MGMT: variants seen among roughly 807,000 people sequenced by gnomAD.
MGMT encodes the protein methylated-DNA--protein-cysteine methyltransferase.
In MGMT, 14 loss-of-function variants were observed where a neutral mutation model predicts 15.9. The ratio of observed to expected loss-of-function variants is 0.88; its 90% CI spans 0.58 to 1.37. The LOEUF is 1.37. MGMT is among the 40% of genes most tolerant of loss of function. The pLI is 0.00. For missense variants in MGMT, 282 were observed against 268.1 expected (o/e 1.05, Z -0.36); for synonymous variants, 130 against 118.2 (o/e 1.10, Z -0.65).
intron 2 of MGMT, among the ~76,000 whole-genome samples, chr10:129,695,992 G>A (rs944498644): frequency 1.2e-4 from 19 of 152,062 alleles, no homozygotes; most frequent in Admixed American, 6.6e-4. Flanking sequence ...CTTTGTCCTC[G>A]CGGTCTTACG....
intron 2 of MGMT, among the ~76,000 whole-genome samples, chr10:129,558,040 G>A (rs1043647966): frequency 2.0e-5 from 3 of 152,154 alleles, no homozygotes; most frequent in Admixed American, 6.5e-5. Context: ...GAGGTTTCCC[G>A]GTTTACCTTG....
chr10:129,586,859 A>G (rs973475662), intron 2 of MGMT, among the ~76,000 whole-genome samples: 2 of 152,208 alleles, frequency 1.3e-5, no homozygotes, highest in African/African-American at 4.8e-5. Context: ...GTGGGAATGC[A>G]ATTCTTGCAT....
In MGMT at chr10:129,515,583, C is replaced by T. The variant is rs1845730103; in HGVS notation, c.-12-20658C>T. Among the ~76,000 whole-genome samples, 3 of 152,328 alleles carry T rather than the reference C, an allele frequency of 2.0e-5. No homozygotes were observed. The South Asian group carries it at 6.2e-4, about 32-fold the overall frequency. ...TACAGAGTGTATTGCGGATATTTAT[C>T]CCTTCCTGGCTGAGCGCGGGGCAGT... is the stretch of plus-strand genomic sequence containing the variant. On this transcript the variant is annotated intron_variant, in intron 1 of 4. Transcript: ENST00000651593.
chr10:129,721,895 A>G (rs577366411), intron 3 of MGMT, among the ~76,000 whole-genome samples: 1 of 152,134 alleles, frequency 6.6e-6, no homozygotes, highest in South Asian at 2.1e-4. Context: ...AAAAATAACA[A>G]GTTGGCAGAC....
At chr10:129,683,436 T>C (rs906832242) in intron 2 of MGMT, among the ~76,000 whole-genome samples, 2 of 152,180 alleles carry the variant, frequency 1.3e-5, no homozygotes, top group East Asian at 3.9e-4. Flanking sequence ...CATAAAAAAT[T>C]GGTTAAGAAT....
At chr10:129,696,382 T>C (rs1473770172) in intron 2 of MGMT, among the ~76,000 whole-genome samples, 1 of 152,212 alleles carries the variant, frequency 6.6e-6, no homozygotes, top group African/African-American at 2.4e-5. Context: ...TCTTCAAACC[T>C]GCAGCATTTC....
At chr10:129,484,106 G>T (rs1287969468) in intron 1 of MGMT, among the ~76,000 whole-genome samples, 1 of 152,194 alleles carries the variant, frequency 6.6e-6, no homozygotes, top group African/African-American at 2.4e-5. Context: ...TTGTGTTGGT[G>T]CAGTTTTTGG....
At chr10:129,548,263 C>A (rs556206185) in intron 2 of MGMT, among the ~76,000 whole-genome samples, 5 of 152,290 alleles carry the variant, frequency 3.3e-5, no homozygotes, top group African/African-American at 9.6e-5. Context: ...CTAGAAATTT[C>A]TGTCCTATTT....
At chr10:129,619,126 T>C (rs866009261) in intron 2 of MGMT, among the ~76,000 whole-genome samples, 10 of 152,302 alleles carry the variant, frequency 6.6e-5, no homozygotes, top group Middle Eastern at 6.8e-3. Flanking sequence ...TAAATTCCCA[T>C]TGAAGTTCTA....
chr10:129,666,086 G>A (rs1413983190), intron 2 of MGMT, among the ~76,000 whole-genome samples: 1 of 152,274 alleles, frequency 6.6e-6, no homozygotes, highest in East Asian at 1.9e-4. Context: ...TGTGTGGGGA[G>A]GGAGGGGGAG....
rs1846721024 is a variant in MGMT at position 129,593,997 on chromosome 10, A to G, written c.125+57620A>G. 2.0e-5 allele frequency among the ~76,000 whole-genome samples: 3 copies of G among 152,296 alleles called. No individual in the cohort carries two copies. The South Asian group carries it at 6.2e-4, about 32-fold the overall frequency. On this transcript the variant is annotated intron_variant, in intron 2 of 4. Transcript: ENST00000651593. ...GGAAGCTTGTGATCCACATTATATC[A>G]GTGTGGGGTTTTATGAGCTGGACTG...
intron 2 of MGMT, among the ~76,000 whole-genome samples, chr10:129,661,493 ATGT>A (rs1847597642): frequency 6.6e-6 from 1 of 152,130 alleles, no homozygotes; most frequent in Admixed American, 6.5e-5. Context: ...ACAACTATTG[ATGT>A]TGTGCAACTT....
chr10:129,708,245 T>C (rs11593531), intron 3 of MGMT, among the ~76,000 whole-genome samples: 2,422 of 152,322 alleles, frequency 0.016, 37 homozygotes, highest in Non-Finnish European at 0.027. Flanking sequence ...GGCACAGGGT[T>C]GCATAATTCT....
chr10:129,515,075 G>C (rs995415876), intron 1 of MGMT, among the ~76,000 whole-genome samples: 2 of 152,186 alleles, frequency 1.3e-5, no homozygotes, highest in African/African-American at 4.8e-5. Context: ...CCCCTTCTCC[G>C]CTCCTCAGCT....
Position 129,725,680 on chromosome 10 carries a change from T to C in MGMT, c.274+17637T>C, listed in dbSNP as rs147559083. ...AGGTCTGTCCATGCTCTGGGCAGGC[T>C]ACAGCCTGCAGGATGCAGATGCCCA... On this transcript the variant is annotated intron_variant, in intron 3 of 4. Coordinates refer to ENST00000651593, the MANE Select transcript of MGMT (RefSeq NM_002412.5). Among the ~76,000 whole-genome samples the C allele has an allele frequency of 7.3e-3, 1,105 of 152,328 alleles. 5 individuals are homozygous for C. The highest frequency in any genetic ancestry group is 0.012 in the Non-Finnish European group (810 of 68,032).
chr10:129,767,189 T>C lies in MGMT; in HGVS notation c.*192T>C. On this transcript the variant is annotated 3_prime_UTR_variant, in exon 5 of 5. Transcript: ENST00000651593. ...GGTCCTGCACACATTTGTTTCCTTCTCTAACGCTGCCCTTGCTCTATTTTT... is the reference window on the plus strand; with the variant it reads ...GGTCCTGCACACATTTGTTTCCTTCCCTAACGCTGCCCTTGCTCTATTTTT... The C allele has an allele frequency of 1.9e-6, 1 of 526,988 alleles. No homozygotes were observed. The highest frequency in any genetic ancestry group is 3.3e-6 in the Non-Finnish European group (1 of 301,756). The allele number at this position is 526,988 out of a possible 1,614,324, so 32.6% of individuals were successfully genotyped here.
At chr10:129,621,574 A>G (rs1369973557) in intron 2 of MGMT, among the ~76,000 whole-genome samples, 1 of 152,200 alleles carries the variant, frequency 6.6e-6, no homozygotes, top group African/African-American at 2.4e-5. Flanking sequence ...GGGTAGATGA[A>G]TGCGAGGCTG....
At chr10:129,723,887 G>A (rs55659089) in intron 3 of MGMT, among the ~76,000 whole-genome samples, 442 of 152,324 alleles carry the variant, frequency 2.9e-3, no homozygotes, top group Admixed American at 4.3e-3. Context: ...AAGTGTCGCA[G>A]AGACTGCCGC....
intron 2 of MGMT, among the ~76,000 whole-genome samples, chr10:129,573,761 G>A (rs1260838902): frequency 6.6e-6 from 1 of 152,180 alleles, no homozygotes; most frequent in African/African-American, 2.4e-5. Flanking sequence ...GATTGACTTT[G>A]TAGTCAATCA....
Sources: allele counts gnomAD v4.1 joint callset (sites outside exome capture counted in the v4.1 genomes callset), GRCh38; gene constraint gnomAD v4.1.1; transcripts MANE v1.5; gene names NCBI Gene and HGNC (gene_info 2026-07-23, HGNC 2026-07-21).